The following TNRC6A variants were observed in gnomAD, a reference collection of about 807,000 sequenced individuals.
TNRC6A encodes the protein trinucleotide repeat-containing gene 6A protein.
TNRC6A carries 44 observed loss-of-function variants against 221.2 expected under a neutral mutation model. The ratio of observed to expected loss-of-function variants is 0.20; its 90% CI spans 0.16 to 0.26. TNRC6A has a LOEUF of 0.26. TNRC6A is among the 10% of genes least tolerant of loss of function. TNRC6A has a pLI of 1.00. For synonymous variants in TNRC6A, 847 were observed against 838.5 expected, an observed-to-expected ratio of 1.01 and a Z score of -0.18; for missense variants, 2,199 against 2,404.4, an observed-to-expected ratio of 0.91 and a Z score of 1.79.
Position 24,823,706 on chromosome 16 carries a change from G to C in TNRC6A, c.5788G>C (p.Gly1930Arg). The C allele has an allele frequency of 6.3e-7, 1 of 1,578,896 alleles. No individual in the cohort carries two copies. The highest frequency in any genetic ancestry group is 8.6e-7 in the Non-Finnish European group (1 of 1,161,672). Residue 1930 changes from glycine to arginine, a missense_variant, in exon 25 of 25, where the codon GGT (glycine) becomes CGT (arginine). By Grantham distance (125) the Gly-to-Arg change is moderately radical. This residue lies in a region of TNRC6A where 130 missense variants were observed against 121.7 expected (regional missense o/e 1.07). Transcript: ENST00000395799. This position sits in a 1 kb window ranked among gnomAD's most constrained non-coding sequence, Gnocchi z 4.3. The stretch of plus-strand genomic sequence containing the variant: ...CCCGCATTATTCCACAAGCCTGTGG[G>C]GTCCCCCAAGCAGCAGCGACCCCCG... ...GTPHYSTSLW[G>R]PPSSSDPRGI...
chr16:24,753,719 G>A (rs1455030522), intron 3 of TNRC6A, among the ~76,000 whole-genome samples: 1 of 152,226 alleles, frequency 6.6e-6, no homozygotes, highest in African/African-American at 2.4e-5. Flanking sequence ...CATGAGCCAG[G>A]TGGGCAGGCC....
chr16:24,638,730 A>G (rs554870214), intron 1 of TNRC6A, among the ~76,000 whole-genome samples: 29 of 152,214 alleles, frequency 1.9e-4, no homozygotes, highest in African/African-American at 6.0e-4. Context: ...AACAAAAAAC[A>G]AAAAACAAAA....
intron 11 of TNRC6A, among the ~76,000 whole-genome samples, chr16:24,799,226 A>G (rs998184392): frequency 1.3e-5 from 2 of 152,182 alleles, no homozygotes; most frequent in African/African-American, 4.8e-5. Flanking sequence ...AAGGAAAAAA[A>G]CCTATAAAGG....
chr16:24,824,769 T>TGA lies in TNRC6A; in HGVS notation c.*962_*963insGA, dbSNP rs2058838392. On this transcript the variant is annotated 3_prime_UTR_variant, in exon 25 of 25. Coordinates refer to ENST00000395799, the MANE Select transcript of TNRC6A (RefSeq NM_014494.4). ...TCTCAGGAAAACCAGTTCCCCAGTTTAAAAAAAAAAAAAAAAATTCCTTGT... is the reference window on the plus strand; with the variant it reads ...TCTCAGGAAAACCAGTTCCCCAGTTTGAAAAAAAAAAAAAAAAAATTCCTTGT... 1 of 135,612 alleles carries TGA rather than the reference T, an allele frequency of 7.4e-6. No individual in the cohort carries two copies. Among genetic ancestry groups the TGA allele is most frequent in the African/African-American group, 2.7e-5 (1 of 36,416 alleles). The allele number at this position is 135,612 out of a possible 1,614,324, so 8.4% of individuals were successfully genotyped here. A position where few individuals can be genotyped will look rare whatever the true frequency, so the allele number is the denominator to read the frequency against.
exon 1 of TNRC6A, chr16:24,610,337 C>A (rs1023605894): frequency 6.6e-6 from 1 of 152,302 alleles, no homozygotes; most frequent in Non-Finnish European, 1.5e-5. Flanking sequence ...CTCTCCCCAT[C>A]GCTGGGTTCA....
chr16:24,651,408 TGTGCCTG>T, intron 2 of TNRC6A, among the ~76,000 whole-genome samples: 1 of 151,404 alleles, frequency 6.6e-6, no homozygotes, highest in Non-Finnish European at 1.5e-5. Flanking sequence ...CATGGTGGCC[TGTGCCTG>T]TAATCCCAGC....
At chr16:24,727,732 C>A (rs1042988204), upstream of TNRC6A, among the ~76,000 whole-genome samples, 14 of 152,238 alleles carry the variant, frequency 9.2e-5, no homozygotes, top group African/African-American at 3.4e-4. Flanking sequence ...GCATATTGTG[C>A]CATTACGTAT....
intron 1 of TNRC6A, among the ~76,000 whole-genome samples, chr16:24,611,945 G>C (rs113020381): frequency 1.3e-5 from 2 of 151,762 alleles, no homozygotes. Context: ...AATACAAACA[G>C]TAGCCAAGCA....
intron 2 of TNRC6A, among the ~76,000 whole-genome samples, chr16:24,717,775 T>TC (rs1201729445): frequency 4.2e-4 from 61 of 146,484 alleles, no homozygotes; most frequent in Non-Finnish European, 8.1e-4. Flanking sequence ...TTTTTCTTTT[T>TC]TTTTTTTTTT....
intron 2 of TNRC6A, among the ~76,000 whole-genome samples, chr16:24,654,312 A>T (rs898143852): frequency 6.6e-6 from 1 of 152,210 alleles, no homozygotes; most frequent in Non-Finnish European, 1.5e-5. Flanking sequence ...ATCAAACTGG[A>T]CAGGCTCAAT....
At chr16:24,776,320 T>A (rs1055327731) in intron 4 of TNRC6A, 2 of 984,274 alleles carry the variant, frequency 2.0e-6, no homozygotes, top group African/African-American at 3.5e-5. Context: ...TTTTGATTCA[T>A]CTCATAGATA....
In TNRC6A at chr16:24,815,216, C is replaced by T. The variant is rs752146464; in HGVS notation, c.4742C>T (p.Thr1581Ile). ...CCCTATGACTTTATGAACAGCAGTA[C>T]TTCACCAGCCAGTCCTCCAGGTTCA... is the stretch of plus-strand genomic sequence containing the variant. Reference protein sequence around the residue: ...FVPYDFMNSSTSPASPPGSIG... With the variant: ...FVPYDFMNSSISPASPPGSIG... The change falls in exon 19 of 25, where the codon ACT becomes ATT. Residue 1581 changes from threonine (T) to isoleucine (I), a missense_variant. This residue lies in a region of TNRC6A where 449 missense variants were observed against 579.7 expected (regional missense o/e 0.77). Coordinates refer to ENST00000395799, the MANE Select transcript of TNRC6A (RefSeq NM_014494.4). 6 of 1,614,108 alleles carry T rather than the reference C, an allele frequency of 3.7e-6. No individual in the cohort carries two copies. Among genetic ancestry groups the T allele is most frequent in the Admixed American group, 3.3e-5 (2 of 60,014 alleles).
chr16:24,613,181 A>G (rs1177858214), intron 1 of TNRC6A, among the ~76,000 whole-genome samples: 1 of 150,974 alleles, frequency 6.6e-6, no homozygotes, highest in Admixed American at 6.6e-5. Context: ...GCGGGGGCAT[A>G]AAAGTGGGGA....
In TNRC6A at chr16:24,818,588, C is replaced by CA. The variant is rs2058701965; in HGVS notation, c.4973-4dup. On this transcript the variant is annotated splice_region_variant and splice_polypyrimidine_tract_variant and intron_variant, in intron 20 of 24. Transcript: ENST00000395799. ...GGTGGCTGATTGGACTCTTCCCCCA[C>CA]ACAGGGTCATCCTCATCCTTGAACA... The CA allele has an allele frequency of 6.2e-7, 1 of 1,613,372 alleles. No individual in the cohort carries two copies. The highest frequency in any genetic ancestry group is 1.3e-5 in the African/African-American group (1 of 75,044).
intron 2 of TNRC6A, among the ~76,000 whole-genome samples, chr16:24,745,926 C>G (rs1169996860): frequency 6.6e-6 from 1 of 152,006 alleles, no homozygotes; most frequent in African/African-American, 2.4e-5. Flanking sequence ...ACAGTCTTCT[C>G]ACCCTTGTTT....
chr16:24,670,052 C>T (rs1387670018), intron 2 of TNRC6A, among the ~76,000 whole-genome samples: 2 of 146,222 alleles, frequency 1.4e-5, no homozygotes, highest in East Asian at 4.1e-4. Context: ...CAGGCTCAAG[C>T]AATTCCCATG....
intron 2 of TNRC6A, among the ~76,000 whole-genome samples, chr16:24,743,570 CT>C (rs35426634): frequency 0.65 from 98,469 of 151,916 alleles, 32,673 homozygotes; most frequent in Non-Finnish European, 0.72. Flanking sequence ...AGCAATCTGC[CT>C]TGGCCTCCCA....
At chr16:24,644,048 G>A (rs1039144390) in intron 2 of TNRC6A, among the ~76,000 whole-genome samples, 1 of 150,808 alleles carries the variant, frequency 6.6e-6, no homozygotes, top group Non-Finnish European at 1.5e-5. Context: ...CTAGATCATC[G>A]CTGGGTTTTG....
At chr16:24,692,928 C>T (rs1324232548) in intron 2 of TNRC6A, among the ~76,000 whole-genome samples, 1 of 152,100 alleles carries the variant, frequency 6.6e-6, no homozygotes, top group African/African-American at 2.4e-5. Context: ...AACTACTTAT[C>T]ACAAATCTCA....
Sources: gnomAD v4.1 joint callset for allele counts (sites outside exome capture counted in the v4.1 genomes callset) on GRCh38, gnomAD v4.1.1 for gene constraint, gnomAD v4.1.1 regional missense constraint, Gnocchi (gnomAD v3.1) non-coding constraint, MANE v1.5 for transcripts, NCBI Gene and HGNC (gene_info 2026-07-23, HGNC 2026-07-21) for gene names.